The following VPS13B variants were observed in gnomAD, a reference collection of about 807,000 sequenced individuals.
The protein encoded by VPS13B is vacuolar protein sorting 13 homolog B.
In VPS13B, 285 loss-of-function variants were observed where a neutral mutation model predicts 426.4. That is an observed-to-expected ratio of 0.67 (90% confidence interval 0.61 to 0.74). The LOEUF is 0.74. Ranked by LOEUF, VPS13B falls within the 30% of genes least tolerant of loss-of-function variation. The probability of loss-of-function intolerance (pLI) is 0.00; values close to 1 mark genes in which losing one functional copy is unlikely to be tolerated. For synonymous variants in VPS13B, 1,676 were observed against 1,676.4 expected, an observed-to-expected ratio of 1.00 and a Z score of 0.01; for missense variants, 4,537 against 4,782.6, an observed-to-expected ratio of 0.95 and a Z score of 1.51.
chr8:99,217,334 C>T (rs117180385), intron 17 of VPS13B, among the ~76,000 whole-genome samples: 2,660 of 152,180 alleles, frequency 0.017, 37 homozygotes, highest in South Asian at 0.031. Context: ...GAAACTGGGG[C>T]GCAGAGGCAG....
chr8:99,073,399 C>G (rs1844938215), intron 3 of VPS13B, among the ~76,000 whole-genome samples: 1 of 152,062 alleles, frequency 6.6e-6, no homozygotes, highest in Non-Finnish European at 1.5e-5. Flanking sequence ...TTTTCTGTTT[C>G]TTTAATGAGT....
intron 17 of VPS13B, among the ~76,000 whole-genome samples, chr8:99,249,496 G>A (rs1011152659): frequency 2.0e-5 from 3 of 150,054 alleles, no homozygotes; most frequent in Middle Eastern, 3.2e-3. Flanking sequence ...GCGCGGTCTC[G>A]GCTCACTGCA....
At chr8:99,044,089 T>TC (rs1843095009) in intron 3 of VPS13B, among the ~76,000 whole-genome samples, 1 of 138,404 alleles carries the variant, frequency 7.2e-6, no homozygotes, top group South Asian at 2.5e-4. Flanking sequence ...TCTTTCTTTT[T>TC]TTTTTTTTTT....
rs755965807 is a variant in VPS13B at position 99,442,563 on chromosome 8, A to G, written c.3373A>G (p.Ser1125Gly). 3 of 1,614,004 alleles carry G rather than the reference A, an allele frequency of 1.9e-6. No homozygotes were observed. The highest frequency in any genetic ancestry group is 2.5e-6 in the Non-Finnish European group (3 of 1,179,910). Reference sequence around the variant, plus strand: ...CTGTTTGCCTCAAATAAAGATTATTAGTGCTGGGCACAAGTATATGGAACC... The same window carrying G: ...CTGTTTGCCTCAAATAAAGATTATTGGTGCTGGGCACAAGTATATGGAACC... ...VLCLPQIKII[S>G]AGHKYMEPLQ... Residue 1125 changes from serine to glycine, a missense_variant, in exon 23 of 62, where the codon AGT (serine) becomes GGT (glycine). Transcript: ENST00000357162.
At chr8:99,520,703 C>T (rs1348622082) in intron 29 of VPS13B, among the ~76,000 whole-genome samples, 196 bp from the exon 30 acceptor site, 1 of 151,752 alleles carries the variant, frequency 6.6e-6, no homozygotes, top group Non-Finnish European at 1.5e-5. Context: ...CAGGAAACCA[C>T]TTAATGGGTA....
In VPS13B at chr8:99,875,556, C is replaced by T. The variant is rs201483764; in HGVS notation, c.11884C>T (p.Pro3962Ser). 1 of 1,614,154 alleles carries T rather than the reference C, an allele frequency of 6.2e-7. No individual in the cohort carries two copies. Among genetic ancestry groups the T allele is most frequent in the Non-Finnish European group, 8.5e-7 (1 of 1,180,024 alleles). ...PCPVVAAEPP[P>S]STVKTYHYLV... ...CCCTGTGGTGGCTGCAGAACCTCCCCCCTCCACTGTTAAAACATACCATTA... is the reference window on the plus strand; with the variant it reads ...CCCTGTGGTGGCTGCAGAACCTCCCTCCTCCACTGTTAAAACATACCATTA... The change falls in exon 62 of 62, where the codon CCC becomes TCC. Residue 3962 changes from proline to serine, a missense_variant. Coordinates refer to ENST00000357162, the MANE Select transcript of VPS13B (RefSeq NM_152564.5).
At chr8:99,844,106 C>G (rs190073283) in intron 54 of VPS13B, among the ~76,000 whole-genome samples, 31 of 152,282 alleles carry the variant, frequency 2.0e-4, no homozygotes, top group Non-Finnish European at 4.1e-4. Context: ...TGTTAATCTG[C>G]CTTCGTGTTC....
intron 39 of VPS13B, among the ~76,000 whole-genome samples, chr8:99,747,355 T>C (rs1810144347): frequency 6.6e-6 from 1 of 152,058 alleles, no homozygotes; most frequent in Non-Finnish European, 1.5e-5. Flanking sequence ...GATAAAGCTA[T>C]TAAGCTATAA....
chr8:99,810,729 A>T (rs1164775742), intron 44 of VPS13B, among the ~76,000 whole-genome samples: 2 of 152,340 alleles, frequency 1.3e-5, no homozygotes, highest in East Asian at 3.9e-4. Context: ...TTGCAATTTT[A>T]TGTAAGCCCA....
In VPS13B at chr8:99,304,470, C is replaced by T. The variant is rs566656086; in HGVS notation, c.2824+29216C>T. ...GGCTAAAAGGAATTGATATTGTGTACCCAGTCTTGGATAATGCCAGTCAAT... is the reference window on the plus strand; with the variant it reads ...GGCTAAAAGGAATTGATATTGTGTATCCAGTCTTGGATAATGCCAGTCAAT... On this transcript the variant is annotated intron_variant, in intron 19 of 61. Transcript: ENST00000357162. 2.2e-4 allele frequency among the ~76,000 whole-genome samples: 33 copies of T among 151,512 alleles called. 1 individual carries two copies. Among genetic ancestry groups the T allele is most frequent in the Middle Eastern group, 3.4e-3 (1 of 294 alleles).
chr8:99,270,129 A>ATTTTTTTTTTTTTTTTTTTT (rs1370378172), intron 17 of VPS13B, among the ~76,000 whole-genome samples: 1 of 16,820 alleles, frequency 5.9e-5, no homozygotes, highest in Admixed American at 9.7e-4. Context: ...AGATATAAGA[A>ATTTTTTTTTTTTTTTTTTTT]TCTTTTTTTT....
chr8:99,491,419 C>T (rs1162473000), intron 25 of VPS13B, among the ~76,000 whole-genome samples: 1 of 152,142 alleles, frequency 6.6e-6, no homozygotes, highest in Non-Finnish European at 1.5e-5. Context: ...CTTTGCTAGA[C>T]TGGGGAAGTT....
intron 30 of VPS13B, among the ~76,000 whole-genome samples, chr8:99,521,221 A>G (rs1822365727): frequency 6.6e-6 from 1 of 152,172 alleles, no homozygotes; most frequent in Non-Finnish European, 1.5e-5. Flanking sequence ...GAATAACAGA[A>G]TGTAAGTACT....
intron 29 of VPS13B, among the ~76,000 whole-genome samples, chr8:99,515,957 A>C (rs1476983772): frequency 1.3e-5 from 2 of 152,026 alleles, no homozygotes. Context: ...TGTATTGCTC[A>C]TATCTTTACT....
chr8:99,730,391 C>T (rs932986136), intron 39 of VPS13B, among the ~76,000 whole-genome samples: 3 of 152,090 alleles, frequency 2.0e-5, no homozygotes, highest in Admixed American at 6.5e-5. Flanking sequence ...TGATGGGTAA[C>T]GGTGCTGGAT....
intron 19 of VPS13B, among the ~76,000 whole-genome samples, chr8:99,334,102 A>T (rs1034322672): frequency 1.3e-5 from 2 of 151,920 alleles, no homozygotes; most frequent in South Asian, 4.1e-4. Context: ...AATTGTTACT[A>T]TAAGGTAGTT....
intron 19 of VPS13B, among the ~76,000 whole-genome samples, chr8:99,360,475 C>T (rs1242812968): frequency 6.6e-6 from 1 of 151,624 alleles, no homozygotes; most frequent in Non-Finnish European, 1.5e-5. Context: ...GACGGGGTTT[C>T]ACCATGTTAG....
intron 23 of VPS13B, among the ~76,000 whole-genome samples, chr8:99,466,961 G>C (rs1461139798): frequency 6.6e-6 from 1 of 152,238 alleles, no homozygotes; most frequent in East Asian, 1.9e-4. Flanking sequence ...ATCAGGCAGA[G>C]CTGCCATAAC....
chr8:99,769,917 G>A (rs981848496), intron 40 of VPS13B, among the ~76,000 whole-genome samples: 3 of 152,142 alleles, frequency 2.0e-5, no homozygotes, highest in Admixed American at 6.5e-5. Context: ...CCTGCACTTT[G>A]GGAGGCTGAG....
Sources: gnomAD v4.1 joint callset for allele counts (sites outside exome capture counted in the v4.1 genomes callset) on GRCh38, gnomAD v4.1.1 for gene constraint, MANE v1.5 for transcripts, NCBI Gene and HGNC (gene_info 2026-07-23, HGNC 2026-07-21) for gene names.